CNTNAP2: variants seen among roughly 807,000 people sequenced by gnomAD.
CNTNAP2 encodes the protein contactin-associated protein-like 2.
In CNTNAP2, 98 loss-of-function variants were observed where a neutral mutation model predicts 155.2. The ratio of observed to expected loss-of-function variants is 0.63; its 90% confidence interval spans 0.54 to 0.75. CNTNAP2 has a LOEUF of 0.75. CNTNAP2 is among the 30% of genes least tolerant of loss of function. The pLI is 0.00. For missense variants in CNTNAP2, 1,727 were observed against 1,688.1 expected, an observed-to-expected ratio of 1.02 and a Z score of -0.40; for synonymous variants, 651 against 631.2, an observed-to-expected ratio of 1.03 and a Z score of -0.47.
At chr7:146,480,981 C>T (rs1250408009) in intron 1 of CNTNAP2, among the ~76,000 whole-genome samples, 1 of 151,292 alleles carries the variant, frequency 6.6e-6, no homozygotes, top group Non-Finnish European at 1.5e-5. Flanking sequence ...CGCCCGGCCC[C>T]CAGAACCTGG....
intron 4 of CNTNAP2, among the ~76,000 whole-genome samples, chr7:147,092,762 C>T (rs1166899632): frequency 3.3e-5 from 5 of 152,048 alleles, no homozygotes; most frequent in East Asian, 1.9e-4. Context: ...TACCTCTGTA[C>T]TACAAAAACT....
intron 14 of CNTNAP2, among the ~76,000 whole-genome samples, chr7:147,945,791 G>C (rs963150624): frequency 1.3e-5 from 2 of 150,840 alleles, no homozygotes; most frequent in African/African-American, 4.9e-5. Flanking sequence ...TCACCTAGGT[G>C]CCTTGGTTGC....
At chr7:146,873,854 A>G (rs1182898434) in intron 3 of CNTNAP2, among the ~76,000 whole-genome samples, 1 of 152,142 alleles carries the variant, frequency 6.6e-6, no homozygotes, top group African/African-American at 2.4e-5. Flanking sequence ...AGTGACTATT[A>G]TGTGGAGGTG....
intron 1 of CNTNAP2, among the ~76,000 whole-genome samples, chr7:146,698,682 G>A (rs559927969): frequency 6.6e-5 from 10 of 152,148 alleles, no homozygotes; most frequent in Non-Finnish European, 8.8e-5. Context: ...AAAAGCATCA[G>A]CATTATTTCT....
intron 1 of CNTNAP2, among the ~76,000 whole-genome samples, chr7:146,605,365 C>G (rs1799029638): frequency 6.6e-6 from 1 of 151,238 alleles, no homozygotes; most frequent in Non-Finnish European, 1.5e-5. Flanking sequence ...GATTAAACAC[C>G]TTGCTCTGGA....
intron 1 of CNTNAP2, among the ~76,000 whole-genome samples, chr7:146,294,298 C>T (rs932787674): frequency 2.0e-5 from 3 of 152,160 alleles, no homozygotes; most frequent in East Asian, 3.8e-4. Flanking sequence ...GTAACTTTTA[C>T]CCAGAGCCTA....
intron 3 of CNTNAP2, 67 bp from the exon 4 acceptor site, chr7:147,043,840 T>C: frequency 1.3e-6 from 2 of 1,576,842 alleles, no homozygotes; most frequent in Non-Finnish European, 8.7e-7. Context: ...TTTATTCTAG[T>C]AGACAGAGGA....
chr7:146,147,376 A>C (rs1302182580), intron 1 of CNTNAP2, among the ~76,000 whole-genome samples: 1 of 152,174 alleles, frequency 6.6e-6, no homozygotes, highest in Non-Finnish European at 1.5e-5. Context: ...GTAACAAACA[A>C]GATTTAAAAT....
intron 1 of CNTNAP2, among the ~76,000 whole-genome samples, chr7:146,323,397 T>TC (rs902614477): frequency 6.6e-6 from 1 of 152,038 alleles, no homozygotes; most frequent in African/African-American, 2.4e-5. Flanking sequence ...ATCAAAAGAC[T>TC]CCGAGTATAA....
chr7:147,327,337 G>A (rs948744281), intron 9 of CNTNAP2, among the ~76,000 whole-genome samples: 3 of 152,114 alleles, frequency 2.0e-5, no homozygotes, highest in Non-Finnish European at 4.4e-5. Context: ...GAGTCCAAGT[G>A]GAGATTGGAA....
At chr7:147,440,478 C>G (rs1304021229) in intron 10 of CNTNAP2, among the ~76,000 whole-genome samples, 3 of 152,050 alleles carry the variant, frequency 2.0e-5, no homozygotes, top group East Asian at 1.9e-4. Context: ...ATCATTTAGT[C>G]TTTCTAGTTA....
intron 13 of CNTNAP2, among the ~76,000 whole-genome samples, chr7:147,753,225 G>T (rs887489962): frequency 1.3e-5 from 2 of 152,164 alleles, no homozygotes; most frequent in African/African-American, 4.8e-5. Flanking sequence ...TAAGACAAGG[G>T]CAGGCTCCTT....
chr7:147,012,046 G>A (rs1445576090), intron 3 of CNTNAP2, among the ~76,000 whole-genome samples: 2 of 152,120 alleles, frequency 1.3e-5, no homozygotes. Context: ...TCTTCATCCT[G>A]AGGGCTCCCA....
At chr7:147,237,835 ATCCCTGTTC>A (rs1212202009) in intron 8 of CNTNAP2, among the ~76,000 whole-genome samples, 1 of 152,240 alleles carries the variant, frequency 6.6e-6, no homozygotes, top group Non-Finnish European at 1.5e-5. Flanking sequence ...GGTTATGATT[ATCCCTGTTC>A]ATTGAAACAG....
rs776093343 is a variant in CNTNAP2 at position 146,839,884 on chromosome 7, C to T, written c.382C>T (p.His128Tyr). ...CACAGGGAGAAACTGGAAACCCTAT[C>T]ATCAAGATGGGAATATCTGGGTAAG... Reference protein sequence around the residue: ...SDTGRNWKPYHQDGNIWAFPG... With the variant: ...SDTGRNWKPYYQDGNIWAFPG... Residue 128 changes from histidine (H) to tyrosine (Y), a missense_variant, in exon 3 of 24, where the codon CAT becomes TAT. Coordinates refer to ENST00000361727, the MANE Select transcript of CNTNAP2 (RefSeq NM_014141.6). The T allele has an allele frequency of 1.9e-6, 3 of 1,614,140 alleles. No individual in the cohort carries two copies. Among genetic ancestry groups the T allele is most frequent in the Non-Finnish European group, 2.5e-6 (3 of 1,180,032 alleles).
rs549435503 is a variant in CNTNAP2, at chr7:146,357,677, C to A, written c.97+240704C>A. Among the ~76,000 whole-genome samples, 5 of 152,200 alleles carry A rather than the reference C, an allele frequency of 3.3e-5. No homozygotes were observed. The South Asian group carries it at 6.2e-4, about 19-fold the overall frequency. On this transcript the variant is annotated intron_variant, in intron 1 of 23. Transcript: ENST00000361727. Reference sequence around the variant, plus strand: ...CATTTCTCTATTTTGCTAAAATATTCTGAAATTATAGGCTCTGATAAATAA... The same window carrying A: ...CATTTCTCTATTTTGCTAAAATATTATGAAATTATAGGCTCTGATAAATAA...
At chr7:147,258,710 G>A (rs931817757) in intron 8 of CNTNAP2, among the ~76,000 whole-genome samples, 1 of 152,230 alleles carries the variant, frequency 6.6e-6, no homozygotes, top group East Asian at 1.9e-4. Context: ...TTGTTGATGC[G>A]GAAACTGAGG....
chr7:147,664,103 C>A (rs547409146), intron 13 of CNTNAP2, among the ~76,000 whole-genome samples: 1 of 152,320 alleles, frequency 6.6e-6, no homozygotes, highest in African/African-American at 2.4e-5. Context: ...GCTTCCATCA[C>A]TAAGTACCAT....
intron 21 of CNTNAP2, among the ~76,000 whole-genome samples, chr7:148,352,216 G>A (rs530663533): frequency 1.3e-5 from 2 of 152,288 alleles, no homozygotes; most frequent in South Asian, 2.1e-4. Context: ...AGAACACTCT[G>A]GCTGCTGAGT....
Sources: allele counts gnomAD v4.1 joint callset (sites outside exome capture counted in the v4.1 genomes callset), GRCh38; gene constraint gnomAD v4.1.1; transcripts MANE v1.5; gene names NCBI Gene and HGNC (gene_info 2026-07-23, HGNC 2026-07-21).